The following FGGY variants were observed in gnomAD, a reference collection of about 807,000 sequenced individuals.
The protein encoded by FGGY is FGGY carbohydrate kinase domain containing, also known as FGGY carbohydrate kinase domain-containing protein.
Under a neutral mutation model 71.3 loss-of-function variants are expected in FGGY, and 72 were observed. The ratio of observed to expected loss-of-function variants is 1.01; its 90% CI spans 0.84 to 1.23. The LOEUF (loss-of-function observed/expected upper bound fraction) is 1.23, where lower values mean the gene tolerates loss of function less well. Ranked by LOEUF, FGGY falls within the 50% of genes most tolerant of loss-of-function variation. The pLI is 0.00. For missense variants in FGGY, 668 were observed against 682.3 expected (o/e 0.98, Z 0.23); for synonymous variants, 251 against 250.3 (o/e 1.00, Z -0.02).
intron 14 of FGGY, among the ~76,000 whole-genome samples, chr1:59,703,325 T>C (rs2097725959): frequency 6.6e-6 from 1 of 152,164 alleles, no homozygotes; most frequent in Non-Finnish European, 1.5e-5. Flanking sequence ...TGCCAGGCAC[T>C]AAGGTTAAAT....
chr1:59,545,955 G>T (rs771050188), intron 7 of FGGY, among the ~76,000 whole-genome samples: 3 of 152,100 alleles, frequency 2.0e-5, no homozygotes, highest in Admixed American at 1.3e-4. Flanking sequence ...CTTTGGGCCC[G>T]CAATTATTTT....
At chr1:59,304,630 T>TA (rs1024682977) in intron 1 of FGGY, among the ~76,000 whole-genome samples, 9 of 152,062 alleles carry the variant, frequency 5.9e-5, no homozygotes, top group African/African-American at 2.2e-4. Flanking sequence ...TGATAGAAAT[T>TA]ACTTTGAATC....
At chr1:59,326,783 C>A (rs993517565) in intron 2 of FGGY, among the ~76,000 whole-genome samples, 1 of 152,002 alleles carries the variant, frequency 6.6e-6, no homozygotes, top group African/African-American at 2.4e-5. Flanking sequence ...CCTTCAACAT[C>A]TATCACTCTA....
At chr1:59,486,432 C>T (rs764341603) in intron 6 of FGGY, among the ~76,000 whole-genome samples, 4 of 152,130 alleles carry the variant, frequency 2.6e-5, no homozygotes, top group African/African-American at 7.2e-5. Context: ...GATTCAGGGA[C>T]ACATGGTGAG....
intron 9 of FGGY, among the ~76,000 whole-genome samples, chr1:59,613,236 A>G (rs1430762394): frequency 1.3e-5 from 2 of 152,232 alleles, no homozygotes; most frequent in African/African-American, 4.8e-5. Context: ...AAAATTGACC[A>G]CATAGTTGGA....
intron 8 of FGGY, among the ~76,000 whole-genome samples, chr1:59,558,408 T>C (rs990702020): frequency 6.6e-6 from 1 of 152,128 alleles, no homozygotes; most frequent in Non-Finnish European, 1.5e-5. Context: ...ATTTTACAGC[T>C]GGGCTGCTGG....
chr1:59,506,077 G>A (rs2094372980), intron 6 of FGGY, among the ~76,000 whole-genome samples: 1 of 152,020 alleles, frequency 6.6e-6, no homozygotes, highest in Admixed American at 6.6e-5. Flanking sequence ...GCCAAATCAA[G>A]AGAATAGGTG....
intron 11 of FGGY, among the ~76,000 whole-genome samples, chr1:59,639,651 C>T (rs1457868868): frequency 6.6e-6 from 1 of 152,138 alleles, no homozygotes; most frequent in Non-Finnish European, 1.5e-5. Context: ...ATATCTGAAG[C>T]CAAATAGAGC....
At chr1:59,338,310 T>C (rs1360736130) in intron 2 of FGGY, among the ~76,000 whole-genome samples, 1 of 152,178 alleles carries the variant, frequency 6.6e-6, no homozygotes, top group Non-Finnish European at 1.5e-5. Context: ...TTCTTATGTA[T>C]TTGCTTGACT....
intron 14 of FGGY, among the ~76,000 whole-genome samples, chr1:59,722,078 T>C (rs1558906195): frequency 6.6e-6 from 1 of 152,214 alleles, no homozygotes; most frequent in Non-Finnish European, 1.5e-5. Context: ...CATGTCTCCT[T>C]AAGCTTTTCT....
At chr1:59,469,637 G>A (rs2092834260) in intron 6 of FGGY, among the ~76,000 whole-genome samples, 1 of 151,916 alleles carries the variant, frequency 6.6e-6, no homozygotes, top group Non-Finnish European at 1.5e-5. Context: ...GTGCAGTTTT[G>A]TTACATAGGT....
At chr1:59,397,030 A>G (rs1025954811) in intron 5 of FGGY, among the ~76,000 whole-genome samples, 4 of 139,852 alleles carry the variant, frequency 2.9e-5, no homozygotes, top group African/African-American at 5.7e-5. Flanking sequence ...TTATGTCTTG[A>G]GTCTGCTTTT....
chr1:59,668,705 G>A (rs889852334), intron 13 of FGGY, among the ~76,000 whole-genome samples: 1 of 152,114 alleles, frequency 6.6e-6, no homozygotes, highest in South Asian at 2.1e-4. Flanking sequence ...ACAGTCAGCC[G>A]GGCACGGTGG....
intron 11 of FGGY, among the ~76,000 whole-genome samples, chr1:59,641,771 G>A (rs2097030399): frequency 6.6e-6 from 1 of 152,140 alleles, no homozygotes; most frequent in South Asian, 2.1e-4. Context: ...ATTATATGAT[G>A]AATGCAACTT....
chr1:59,762,498 C>A lies in FGGY; in HGVS notation c.1575-5C>A. 6.2e-7 allele frequency: 1 copy of A among 1,608,130 alleles called. No individual in the cohort carries two copies. Among genetic ancestry groups the A allele is most frequent in the South Asian group, 1.1e-5 (1 of 90,582 alleles). ...TCATTCAACATATTTATATTTCTCC[C>A]ACAGATACTATGATAAGAAATACCA... On this transcript the variant is annotated splice_polypyrimidine_tract_variant and splice_region_variant and intron_variant, in intron 15 of 15. Coordinates refer to ENST00000303721, the MANE Select transcript of FGGY (RefSeq NM_018291.5).
chr1:59,603,375 C>G (rs546340808), intron 8 of FGGY, among the ~76,000 whole-genome samples: 1 of 152,190 alleles, frequency 6.6e-6, no homozygotes, highest in Non-Finnish European at 1.5e-5. Flanking sequence ...AGACCAAGGA[C>G]AAATCTAGAG....
rs575759615 is a variant in FGGY, at chr1:59,720,088, C to T, written c.1513-37843C>T. Among the ~76,000 whole-genome samples the T allele has an allele frequency of 1.2e-4, 19 of 152,258 alleles. No homozygotes were observed. The South Asian group carries it at 3.9e-3, about 32-fold the overall frequency. Reference sequence around the variant, plus strand: ...GTGTTCTCGTGCCTTTGTTAGCATGCCAGCAATGAGCCTGGGGTCTCTCCT... The same window carrying T: ...GTGTTCTCGTGCCTTTGTTAGCATGTCAGCAATGAGCCTGGGGTCTCTCCT... On this transcript the variant is annotated intron_variant, in intron 14 of 15. Transcript: ENST00000303721.
At chr1:59,651,777 G>A (rs1032803700) in intron 11 of FGGY, among the ~76,000 whole-genome samples, 2 of 150,364 alleles carry the variant, frequency 1.3e-5, no homozygotes, top group African/African-American at 2.5e-5. Context: ...TGTTATGTGT[G>A]AATTTGATCC....
chr1:59,566,200 A>G (rs1286968715), intron 8 of FGGY, among the ~76,000 whole-genome samples: 1 of 151,916 alleles, frequency 6.6e-6, no homozygotes, highest in Non-Finnish European at 1.5e-5. Context: ...TTTGGTGTGG[A>G]TGAAATAGAT....
Sources: allele counts gnomAD v4.1 joint callset (sites outside exome capture counted in the v4.1 genomes callset), GRCh38; gene constraint gnomAD v4.1.1; transcripts MANE v1.5; gene names NCBI Gene and HGNC (gene_info 2026-07-23, HGNC 2026-07-21).